SMURF1: variants seen among roughly 807,000 people sequenced by gnomAD.
SMURF1 encodes the protein E3 ubiquitin-protein ligase SMURF1.
In SMURF1, 44 loss-of-function variants were observed where a neutral mutation model predicts 98.0. The observed-to-expected ratio is 0.45, with a 90% CI of 0.35 to 0.58. The LOEUF is 0.58. SMURF1 is among the 20% of genes least tolerant of loss of function. SMURF1 has a pLI of 0.00. For missense variants in SMURF1, 687 were observed against 938.4 expected (o/e 0.73, Z 3.50); for synonymous variants, 396 against 374.9 (o/e 1.06, Z -0.65).
At chr7:99,143,502 G>A (rs1490383962) in intron 1 of SMURF1, among the ~76,000 whole-genome samples, 3 of 133,258 alleles carry the variant, frequency 2.3e-5, no homozygotes, top group South Asian at 2.5e-4. Flanking sequence ...GGGAACGGGA[G>A]GGAACGCGAG....
At chr7:99,078,108 G>A (rs1204788361) in intron 1 of SMURF1, among the ~76,000 whole-genome samples, 3 of 152,080 alleles carry the variant, frequency 2.0e-5, no homozygotes, top group Non-Finnish European at 1.5e-5. Context: ...AGACCAGCCT[G>A]GCCAAATATG....
intron 3 of SMURF1, among the ~76,000 whole-genome samples, chr7:99,058,399 A>T (rs1053715615): frequency 2.4e-4 from 37 of 152,140 alleles, no homozygotes; most frequent in African/African-American, 8.4e-4. Context: ...CAAAGTGCTT[A>T]GATTACAGGT....
intron 1 of SMURF1, among the ~76,000 whole-genome samples, chr7:99,140,281 CTTTTT>C (rs11421940): frequency 2.3e-5 from 2 of 85,796 alleles, no homozygotes; most frequent in Non-Finnish European, 4.2e-5. Context: ...CTTCAGTATC[CTTTTT>C]TTTTTTTTTT....
chr7:99,050,561 T>TGATTAATGATTCTCCTGAATGAC, intron 8 of SMURF1: 1 of 183,204 alleles, frequency 5.5e-6, no homozygotes, highest in Non-Finnish European at 1.2e-5. Flanking sequence ...ATTCTCCTGA[T>TGATTAATGATTCTCCTGAATGAC]TAATAATTTC....
intron 2 of SMURF1, 62 bp downstream of exon 2, chr7:99,061,737 T>C (rs1796038846): frequency 2.9e-6 from 4 of 1,361,970 alleles, no homozygotes; most frequent in Non-Finnish European, 4.1e-6. Context: ...TTTTTTAAAG[T>C]TTAAAATTTC....
chr7:99,040,605 A>G (rs1156568383), intron 12 of SMURF1, 49 bp from the exon 13 acceptor site: 3 of 1,365,798 alleles, frequency 2.2e-6, no homozygotes, highest in African/African-American at 1.5e-5. Flanking sequence ...GTGCCGGCCA[A>G]TGTGGGAATC....
At chr7:99,049,329 A>G in intron 9 of SMURF1, 1 of 492,750 alleles carries the variant, frequency 2.0e-6, no homozygotes, top group East Asian at 3.9e-5. Flanking sequence ...ATCTCGGTAA[A>G]TTTTATGTAG....
At chr7:99,102,965 G>A (rs1244820821) in intron 1 of SMURF1, among the ~76,000 whole-genome samples, 1 of 151,940 alleles carries the variant, frequency 6.6e-6, no homozygotes, top group African/African-American at 2.4e-5. Flanking sequence ...CATCATGCCT[G>A]GCTTATTTTT....
chr7:99,111,852 G>A (rs529766954), intron 1 of SMURF1, among the ~76,000 whole-genome samples: 2 of 152,308 alleles, frequency 1.3e-5, no homozygotes, highest in South Asian at 4.1e-4. Context: ...TGAAGAACTG[G>A]CTCAAAGGAT....
At chr7:99,069,575 G>A (rs113472479) in intron 1 of SMURF1, among the ~76,000 whole-genome samples, 82 of 152,048 alleles carry the variant, frequency 5.4e-4, no homozygotes, top group Non-Finnish European at 8.8e-4. Flanking sequence ...GCCCAGGCTG[G>A]TATCAAACTG....
chr7:99,038,043 CTG>C (rs1417858872), intron 14 of SMURF1, among the ~76,000 whole-genome samples: 2 of 152,178 alleles, frequency 1.3e-5, no homozygotes, highest in African/African-American at 2.4e-5. Context: ...TGGAAAAAAA[CTG>C]AGAGGGTGGC....
rs896522102 is a variant in SMURF1 at position 99,144,043 on chromosome 7, G to GCCGCCTCCA, written c.-272_-264dup. On this transcript the variant is annotated 5_prime_UTR_variant, in exon 1 of 18. Transcript: ENST00000361368. ...CGCCGCCGCCTCCGCCGCCGCCTCC[G>GCCGCCTCCA]CCGCCTCCACCACCTCAGAGCCGGA... is the stretch of plus-strand genomic sequence containing the variant. 11 of 210,352 alleles carry GCCGCCTCCA rather than the reference G, an allele frequency of 5.2e-5. No homozygotes were observed. Among genetic ancestry groups the GCCGCCTCCA allele is most frequent in the East Asian group, 9.1e-5 (1 of 11,046 alleles). 13.0% of individuals were successfully genotyped at this position (210,352 alleles called of 1,614,324 possible). A position where few individuals can be genotyped will look rare whatever the true frequency, so the allele number is the denominator to read the frequency against.
chr7:99,064,242 G>C (rs535348715), intron 1 of SMURF1, among the ~76,000 whole-genome samples: 3 of 152,064 alleles, frequency 2.0e-5, no homozygotes, highest in Non-Finnish European at 2.9e-5. Context: ...TCCTTCATAG[G>C]CTATCTAGTT....
intron 14 of SMURF1, 140 bp from the exon 15 acceptor site, chr7:99,037,327 T>C (rs922112335): frequency 2.6e-5 from 27 of 1,048,656 alleles, no homozygotes; most frequent in Non-Finnish European, 3.7e-5. Flanking sequence ...AACCTCAGCC[T>C]CCTGGGTTCA....
At position 99,035,267 on chromosome 7, in the gene SMURF1, T is replaced by G; in HGVS notation, c.2011+248A>C. 6 of 545,042 alleles carry G rather than the reference T, an allele frequency of 1.1e-5. No homozygotes were observed. In the South Asian group the frequency reaches 1.3e-4, roughly 11 times the overall value. 33.8% of individuals were successfully genotyped at this position (545,042 alleles called of 1,614,324 possible). On this transcript the variant is annotated intron_variant, in intron 16 of 17. Coordinates refer to ENST00000361368, the MANE Select transcript of SMURF1 (RefSeq NM_181349.3). ...GACCCTCTTGGCTTTTTGGAAGCAG[T>G]GAGGAGGGGGAATCCAGGTGCCCTG...
At chr7:99,082,367 G>T (rs954417756) in intron 1 of SMURF1, among the ~76,000 whole-genome samples, 2 of 152,128 alleles carry the variant, frequency 1.3e-5, no homozygotes, top group African/African-American at 4.8e-5. Flanking sequence ...AAGTATTGAA[G>T]ATTTATTCCT....
intron 6 of SMURF1, among the ~76,000 whole-genome samples, chr7:99,054,451 C>T (rs1381094247): frequency 2.0e-5 from 3 of 152,112 alleles, no homozygotes; most frequent in African/African-American, 7.2e-5. Flanking sequence ...GGACTACAGG[C>T]GCCCACCACC....
chr7:99,124,431 A>G (rs1797703489), intron 1 of SMURF1, among the ~76,000 whole-genome samples: 1 of 152,218 alleles, frequency 6.6e-6, no homozygotes, highest in African/African-American at 2.4e-5. Flanking sequence ...TCATTCTAGA[A>G]TACTTTTGGA....
At chr7:99,079,306 A>G (rs1200371906) in intron 1 of SMURF1, among the ~76,000 whole-genome samples, 1 of 152,226 alleles carries the variant, frequency 6.6e-6, no homozygotes, top group Admixed American at 6.5e-5. Context: ...ACACAGGGCC[A>G]TGTTCTGCGC....
Sources: allele counts gnomAD v4.1 joint callset (sites outside exome capture counted in the v4.1 genomes callset), GRCh38; gene constraint gnomAD v4.1.1; transcripts MANE v1.5; gene names NCBI Gene and HGNC (gene_info 2026-07-23, HGNC 2026-07-21).